LOXHD1: variants seen among roughly 807,000 people sequenced by gnomAD.
The protein encoded by LOXHD1 is lipoxygenase homology PLAT domains 1.
A neutral mutation model predicts 248.2 loss-of-function variants in LOXHD1; 205 were observed. The ratio of observed to expected loss-of-function variants is 0.83; its 90% confidence interval spans 0.74 to 0.93. The LOEUF is 0.93. Among genes scored for constraint, LOXHD1 ranks in the 40% least tolerant of loss-of-function variants. The pLI, the probability that LOXHD1 is intolerant of heterozygous loss-of-function variation, is 0.00. For missense variants in LOXHD1, 2,930 were observed against 2,971.6 expected (o/e 0.99, Z 0.33); for synonymous variants, 1,113 against 1,162.8 (o/e 0.96, Z 0.87).
chr18:46,646,381 G>C (rs1386094716), intron 2 of LOXHD1, among the ~76,000 whole-genome samples: 1 of 152,180 alleles, frequency 6.6e-6, no homozygotes, highest in Non-Finnish European at 1.5e-5. Flanking sequence ...CAGACCTGCA[G>C]TTTCCATCTT....
Position 46,560,216 on chromosome 18 carries a change from C to T in LOXHD1, c.2928G>A (p.Glu976=). 2 of 1,551,790 alleles carry T rather than the reference C, an allele frequency of 1.3e-6. No homozygotes were observed. The highest frequency in any genetic ancestry group is 8.7e-7 in the Non-Finnish European group (1 of 1,146,958). ...CCTGCATCCCCGGCCCAAACTCCTC[C>T]TCTTCCTCCTCTTCTTCCATCTCCT... ...EEEEMEEEEE[E]EEFGPGMQEV... Residue 976 remains glutamate, a synonymous_variant, in exon 19 of 41, where the codon GAG becomes GAA. Transcript: ENST00000642948.
intron 4 of LOXHD1, among the ~76,000 whole-genome samples, chr18:46,627,775 C>A (rs2038763527): frequency 6.6e-6 from 1 of 152,174 alleles, no homozygotes; most frequent in African/African-American, 2.4e-5. Flanking sequence ...TAGAAAACTC[C>A]TCACCCATGA....
chr18:46,508,010 A>G (rs2034693770), intron 35 of LOXHD1, among the ~76,000 whole-genome samples: 2 of 152,146 alleles, frequency 1.3e-5, no homozygotes, highest in Non-Finnish European at 1.5e-5. Flanking sequence ...CACAAGAGAT[A>G]TTTGCTGAAA....
chr18:46,540,775 C>A (rs1040211638), intron 25 of LOXHD1, among the ~76,000 whole-genome samples: 1 of 149,332 alleles, frequency 6.7e-6, no homozygotes, highest in Admixed American at 6.9e-5. Flanking sequence ...ATCTTTCAGG[C>A]CAGAGTCTGT....
intron 12 of LOXHD1, among the ~76,000 whole-genome samples, chr18:46,583,255 C>T (rs1003857030): frequency 6.6e-6 from 1 of 152,100 alleles, no homozygotes; most frequent in African/African-American, 2.4e-5. Context: ...CAACTTTAGG[C>T]TGGGCAAGAA....
At chr18:46,520,914 C>A (rs974098602) in intron 33 of LOXHD1, among the ~76,000 whole-genome samples, 183 bp downstream of exon 33, 3 of 152,198 alleles carry the variant, frequency 2.0e-5, no homozygotes, top group Non-Finnish European at 4.4e-5. Context: ...CGGCAGCAGA[C>A]CAGAAGAGAG....
rs2038191465 is a variant in LOXHD1 at position 46,592,563 on chromosome 18, T to C, written c.1453A>G (p.Arg485Gly). Residue 485 changes from arginine to glycine, a missense_variant, in exon 11 of 41, where the codon AGG (arginine) becomes GGG (glycine). By Grantham distance (125) the Arg-to-Gly change is moderately radical. Coordinates refer to ENST00000642948, the MANE Select transcript of LOXHD1 (RefSeq NM_001384474.1). ...TGCCATACTCGAATCTTATAAAACC[T>C]GCCAAGATCCGGGAGCTCAATCTAT... ...KFRIELPDLG[R>G]FYKIRVWHDK... The C allele has an allele frequency of 1.3e-6, 2 of 1,551,494 alleles. No individual in the cohort carries two copies. The highest frequency in any genetic ancestry group is 1.7e-6 in the Non-Finnish European group (2 of 1,146,930).
At chr18:46,553,297 T>G (rs1005529240) in intron 21 of LOXHD1, among the ~76,000 whole-genome samples, 1 of 152,206 alleles carries the variant, frequency 6.6e-6, no homozygotes, top group Non-Finnish European at 1.5e-5. Flanking sequence ...CATCTAGTCC[T>G]CATGATGATT....
At chr18:46,522,415 T>C (rs959671392) in intron 31 of LOXHD1, 106 bp from the exon 32 acceptor site, 3 of 892,248 alleles carry the variant, frequency 3.4e-6, no homozygotes, top group African/African-American at 1.7e-5. Flanking sequence ...TGATCTCAGC[T>C]CCTTGCTCAG....
intron 2 of LOXHD1, among the ~76,000 whole-genome samples, chr18:46,644,867 G>C (rs73953872): frequency 6.6e-6 from 1 of 152,276 alleles, no homozygotes; most frequent in South Asian, 2.1e-4. Flanking sequence ...GGGGAGGAGC[G>C]TATGTGGAAG....
chr18:46,478,054 C>T (rs1050805074), intron 40 of LOXHD1, 102 bp from the exon 41 acceptor site: 10 of 1,412,010 alleles, frequency 7.1e-6, no homozygotes, highest in Non-Finnish European at 8.5e-6. Context: ...ATGATCCCTT[C>T]CCAAGGTGAT....
At chr18:46,603,772 T>C (rs1008006452) in intron 7 of LOXHD1, among the ~76,000 whole-genome samples, 2 of 152,226 alleles carry the variant, frequency 1.3e-5, no homozygotes, top group Admixed American at 1.3e-4. Flanking sequence ...GCCTGGCATA[T>C]ACTAAGCACT....
intron 6 of LOXHD1, 118 bp from the exon 7 acceptor site, chr18:46,604,347 C>G: frequency 2.9e-6 from 4 of 1,369,194 alleles, no homozygotes; most frequent in Non-Finnish European, 4.0e-6. Context: ...ATATCTGTTT[C>G]GTGGCCCAAG....
At chr18:46,619,874 G>A (rs182977678) in intron 4 of LOXHD1, among the ~76,000 whole-genome samples, 1 of 152,282 alleles carries the variant, frequency 6.6e-6, no homozygotes, top group Admixed American at 6.5e-5. Flanking sequence ...TGCAATTCTT[G>A]TCCCTAACTG....
At chr18:46,482,606 G>T (rs2032671613) in intron 40 of LOXHD1, among the ~76,000 whole-genome samples, 1 of 152,248 alleles carries the variant, frequency 6.6e-6, no homozygotes, top group South Asian at 2.1e-4. Flanking sequence ...CCAAGGAGTT[G>T]CTTGGTCTGG....
Position 46,518,101 on chromosome 18 carries a change from G to A in LOXHD1, c.5399+28C>T. 3.2e-6 allele frequency: 5 copies of A among 1,550,448 alleles called. No homozygotes were observed. In the South Asian group the frequency reaches 3.6e-5, roughly 11 times the overall value. Reference sequence around the variant, plus strand: ...AGGGGGAGAGTTGAATGTGGGAGGGGTGAGGGGCAGGGGCCGCCTCCAGGT... The same window carrying A: ...AGGGGGAGAGTTGAATGTGGGAGGGATGAGGGGCAGGGGCCGCCTCCAGGT... On this transcript the variant is annotated intron_variant, in intron 34 of 40. Transcript: ENST00000642948.
In LOXHD1 at chr18:46,579,735, C is replaced by T; in HGVS notation, c.1704G>A (p.Gly568=). Residue 568 remains glycine (G), a synonymous_variant, in exon 13 of 41, where the codon GGG becomes GGA. Coordinates refer to ENST00000642948, the MANE Select transcript of LOXHD1 (RefSeq NM_001384474.1). ...GGCAGAGATAGACGTTGGCATCGGT[C>T]CCAGCACCTTCAAGTTCACCTGTGC... ...TVCTGELEGA[G]TDANVYLCLF... is the part of the protein sequence containing the mutation. 1 of 1,551,824 alleles carries T rather than the reference C, an allele frequency of 6.4e-7. No individual in the cohort carries two copies. Among genetic ancestry groups the T allele is most frequent in the Non-Finnish European group, 8.7e-7 (1 of 1,147,018 alleles).
intron 37 of LOXHD1, among the ~76,000 whole-genome samples, chr18:46,502,100 G>T (rs964479857): frequency 6.6e-6 from 1 of 152,172 alleles, no homozygotes; most frequent in Non-Finnish European, 1.5e-5. Context: ...GAATTGCTTT[G>T]CTATTGAGAA....
In LOXHD1 at chr18:46,521,092, C is replaced by A. The variant is rs374936416; in HGVS notation, c.5271+5G>T. On this transcript the variant is annotated splice_donor_5th_base_variant and intron_variant, in intron 33 of 40. Transcript: ENST00000642948. ...TGCACTGCACACTCACAGTGCCCCC[C>A]CTACCTTCACCCCAATGTTCACCAC... 75 of 1,551,332 alleles carry A rather than the reference C, an allele frequency of 4.8e-5. No individual in the cohort carries two copies. Among genetic ancestry groups the A allele is most frequent in the African/African-American group, 3.4e-4 (25 of 73,046 alleles).
Sources: gnomAD v4.1 joint callset for allele counts (sites outside exome capture counted in the v4.1 genomes callset) on GRCh38, gnomAD v4.1.1 for gene constraint, MANE v1.5 for transcripts, NCBI Gene and HGNC (gene_info 2026-07-23, HGNC 2026-07-21) for gene names.